B4GALNT4: variants seen among roughly 807,000 people sequenced by gnomAD.
B4GALNT4 encodes the protein beta-1,4-N-acetyl-galactosaminyltransferase 4, also known as N-acetyl-beta-glucosaminyl-glycoprotein 4-beta-N-acetylgalactosaminyltransferase 1.
A neutral mutation model predicts 110.0 loss-of-function variants in B4GALNT4; 77 were observed. That is an observed-to-expected ratio of 0.70 (90% CI 0.58 to 0.85). B4GALNT4 has a LOEUF of 0.85. B4GALNT4 is among the 40% of genes least tolerant of loss of function. The pLI is 0.00. For synonymous variants in B4GALNT4, 785 were observed against 655.5 expected (o/e 1.20, Z -3.02); for missense variants, 1,575 against 1,506.0 (o/e 1.05, Z -0.76).
At chr11:373,415 C>CCT in intron 6 of B4GALNT4, 34 bp from the exon 7 acceptor site, 1 of 1,154,272 alleles carries the variant, frequency 8.7e-7, no homozygotes, top group Non-Finnish European at 1.3e-6. Context: ...TGAACCCCCC[C>CCT]CCCCACCACC....
At position 375,432 on chromosome 11, in the gene B4GALNT4, C is replaced by T. The variant is rs371323687; in HGVS notation, c.784-29C>T. On this transcript the variant is annotated intron_variant, in intron 8 of 19. Coordinates refer to ENST00000329962, the MANE Select transcript of B4GALNT4 (RefSeq NM_178537.5). ...TCCCTGGACCCAGCCACCGCCCTGTCCCTGACCCCCACCCTCTCTGCCCCG... is the reference window on the plus strand; with the variant it reads ...TCCCTGGACCCAGCCACCGCCCTGTTCCTGACCCCCACCCTCTCTGCCCCG... 14 of 1,610,452 alleles carry T rather than the reference C, an allele frequency of 8.7e-6. No individual in the cohort carries two copies. In the African/African-American group the frequency reaches 1.9e-4, roughly 21 times the overall value.
chr11:372,903 G>T lies in B4GALNT4; in HGVS notation c.400G>T (p.Val134Leu), dbSNP rs1208531000. The stretch of plus-strand genomic sequence containing the variant: ...GTTTGAGGACTGGTGTGGGGGCGCC[G>T]TGGGCCACCTGAGGAGGAACCTGCA... Reference protein sequence around the residue: ...HVFEDWCGGAVGHLRRNLHFP... With the variant: ...HVFEDWCGGALGHLRRNLHFP... The change falls in exon 4 of 20, where the codon GTG (valine) becomes TTG (leucine). Residue 134 changes from valine to leucine, a missense_variant. Physicochemically the swap from Val to Leu is conservative, Grantham distance 32. Transcript: ENST00000329962. 6.2e-7 allele frequency: 1 copy of T among 1,612,202 alleles called. No homozygotes were observed. Among genetic ancestry groups the T allele is most frequent in the African/African-American group, 1.3e-5 (1 of 74,944 alleles).
intron 14 of B4GALNT4, 66 bp from the exon 15 acceptor site, chr11:379,352 G>A: frequency 2.8e-6 from 4 of 1,408,924 alleles, no homozygotes; most frequent in South Asian, 1.5e-5. Context: ...TGGCCAGGGC[G>A]GACCAGGGTT....
At chr11:377,437 T>G in intron 14 of B4GALNT4, 110 bp downstream of exon 14, 1 of 1,213,032 alleles carries the variant, frequency 8.2e-7, no homozygotes, top group Non-Finnish European at 1.1e-6. Flanking sequence ...GGCCCAGTGG[T>G]GTACCGGCCT....
chr11:376,631 CT>C lies in B4GALNT4; in HGVS notation c.1511del (p.Leu504CysfsTer24). On this transcript the variant is annotated frameshift_variant, in exon 14 of 20. Coordinates refer to ENST00000329962, the MANE Select transcript of B4GALNT4 (RefSeq NM_178537.5). LOFTEE classifies it high-confidence loss of function. Reference sequence around the variant, plus strand: ...AGCTGGGCCGCCAGGGCCGCCCGCCCTTTGCCGCTCTTCTTGGGCCGAGCTC... The same window carrying C: ...AGCTGGGCCGCCAGGGCCGCCCGCCCTTGCCGCTCTTCTTGGGCCGAGCTC... ...ALSWAARAAR[P>X]LPLFLGRAPP... 7.0e-7 allele frequency: 1 copy of C among 1,420,148 alleles called. No homozygotes were observed. Among genetic ancestry groups the C allele is most frequent in the South Asian group, 1.4e-5 (1 of 73,592 alleles). 88.0% of individuals were successfully genotyped at this position (1,420,148 alleles called of 1,614,324 possible).
At chr11:379,835 C>T in intron 15 of B4GALNT4, 31 bp from the exon 16 acceptor site, 1 of 1,566,978 alleles carries the variant, frequency 6.4e-7, no homozygotes, top group Non-Finnish European at 8.6e-7. Context: ...TCAGCGTCGG[C>T]TCAGCGCCCC....
chr11:380,527 T>G, intron 18 of B4GALNT4, 82 bp downstream of exon 18: 1 of 1,514,392 alleles, frequency 6.6e-7, no homozygotes, highest in Non-Finnish European at 8.9e-7. Context: ...GGGGCCTCTC[T>G]CAATTCCCAG....
chr11:373,019 C>T lies in B4GALNT4; in HGVS notation c.445-7C>T. 1 of 1,612,518 alleles carries T rather than the reference C, an allele frequency of 6.2e-7. No individual in the cohort carries two copies. Among genetic ancestry groups the T allele is most frequent in the Non-Finnish European group, 8.5e-7 (1 of 1,179,868 alleles). On this transcript the variant is annotated splice_polypyrimidine_tract_variant and splice_region_variant and intron_variant, in intron 4 of 19. Transcript: ENST00000329962. ...GGCTTCGACAGCAACAGTCACTGCC[C>T]CCCCAGACGCGCACCACCGTGAAGA...
In B4GALNT4 at chr11:379,682, G is replaced by A. The variant is rs758407647; in HGVS notation, c.2469G>A (p.Met823Ile). ...GCCTGGCCTGGCGCCAGGACGTGATGGTTCACTTCATCGTGCCAGGTTCGC... is the reference window on the plus strand; with the variant it reads ...GCCTGGCCTGGCGCCAGGACGTGATAGTTCACTTCATCGTGCCAGGTTCGC... ...PLRLAWRQDV[M>I]VHFIVPVKNQ... is the part of the protein sequence containing the mutation. Residue 823 changes from methionine (M) to isoleucine (I), a missense_variant, in exon 15 of 20, where the codon ATG (methionine) becomes ATA (isoleucine). Coordinates refer to ENST00000329962, the MANE Select transcript of B4GALNT4 (RefSeq NM_178537.5). 12 of 1,502,374 alleles carry A rather than the reference G, an allele frequency of 8.0e-6. No homozygotes were observed. The highest frequency in any genetic ancestry group is 4.7e-5 in the Admixed American group (2 of 42,828). The allele number at this position is 1,502,374 out of a possible 1,614,324, so 93.1% of individuals were successfully genotyped here.
chr11:379,232 C>G (rs959736402), intron 14 of B4GALNT4, among the ~76,000 whole-genome samples, 186 bp from the exon 15 acceptor site: 3 of 152,204 alleles, frequency 2.0e-5, no homozygotes, highest in African/African-American at 4.8e-5. Flanking sequence ...TGCCCCGACC[C>G]TGGAGGGGGT....
chr11:373,880 C>G, intron 8 of B4GALNT4, 52 bp downstream of exon 8: 1 of 1,567,098 alleles, frequency 6.4e-7, no homozygotes. Flanking sequence ...CCCCCCACCT[C>G]CCTGCAGGAC....
At chr11:375,591 G>A (rs1846727880) in intron 9 of B4GALNT4, 48 bp from the exon 10 acceptor site, 4 of 1,601,158 alleles carry the variant, frequency 2.5e-6, no homozygotes, top group Admixed American at 1.7e-5. Context: ...TGAGTGGGAA[G>A]AGTGGAGGAG....
rs890236027 is a variant in B4GALNT4 at position 369,638 on chromosome 11, G to C, written c.-166G>C. Among the ~76,000 whole-genome samples, 6 of 144,422 alleles carry C rather than the reference G, an allele frequency of 4.2e-5. No individual in the cohort carries two copies. Among genetic ancestry groups the C allele is most frequent in the Non-Finnish European group, 4.6e-5 (3 of 65,180 alleles). The allele number at this position is 144,422 out of a possible 152,430, so 94.7% of individuals were successfully genotyped here. A position where few individuals can be genotyped will look rare whatever the true frequency, so the allele number is the denominator to read the frequency against. Reference sequence around the variant, plus strand: ...GGCCCGCGGCCGAGGGCGGCCTGGGGGGGTCGCGGCCGCACCCGGTGGCCG... The same window carrying C: ...GGCCCGCGGCCGAGGGCGGCCTGGGCGGGTCGCGGCCGCACCCGGTGGCCG... On this transcript the variant is annotated 5_prime_UTR_variant, in exon 1 of 20. Coordinates refer to ENST00000329962, the MANE Select transcript of B4GALNT4 (RefSeq NM_178537.5).
intron 14 of B4GALNT4, among the ~76,000 whole-genome samples, chr11:378,504 G>A (rs1379697317): frequency 1.3e-5 from 2 of 152,194 alleles, no homozygotes; most frequent in Admixed American, 1.3e-4. Flanking sequence ...GAGCATTTGG[G>A]GCAGGAGGTC....
Position 377,101 on chromosome 11 carries a change from G to A in B4GALNT4, c.1978G>A (p.Ala660Thr), listed in dbSNP as rs750589680. ...EDDGAPGDEA[A>T]SEDSEEAAGP... is the part of the protein sequence containing the mutation. ...CGATGGGGCCCCGGGCGACGAGGCC[G>A]CGTCGGAGGACAGCGAGGAGGCCGC... Residue 660 changes from alanine to threonine, a missense_variant, in exon 14 of 20, where the codon GCG becomes ACG. Physicochemically the swap from Ala to Thr is moderately conservative, Grantham distance 58. Transcript: ENST00000329962. The A allele has an allele frequency of 3.4e-6, 5 of 1,462,656 alleles. No individual in the cohort carries two copies. The highest frequency in any genetic ancestry group is 2.8e-5 in the South Asian group (2 of 71,754). The allele number at this position is 1,462,656 out of a possible 1,614,324, so 90.6% of individuals were successfully genotyped here.
rs747447602 is a variant in B4GALNT4, at chr11:376,535, G to A, written c.1412G>A (p.Gly471Glu). The part of the protein sequence containing the change: ...SPAPAAPAQP[G>E]ATLAPPTPPR... Reference sequence around the variant, plus strand: ...GCCCCAGCAGCCCCCGCCCAGCCCGGAGCCACCCTCGCCCCGCCGACCCCT... The same window carrying A: ...GCCCCAGCAGCCCCCGCCCAGCCCGAAGCCACCCTCGCCCCGCCGACCCCT... The change falls in exon 14 of 20, where the codon GGA becomes GAA. Residue 471 changes from glycine (G) to glutamate (E), a missense_variant. By Grantham distance (98) the Gly-to-Glu change is moderately conservative. Coordinates refer to ENST00000329962, the MANE Select transcript of B4GALNT4 (RefSeq NM_178537.5). 4.3e-5 allele frequency: 61 copies of A among 1,430,522 alleles called. No individual in the cohort carries two copies. Among genetic ancestry groups the A allele is most frequent in the Non-Finnish European group, 5.0e-5 (55 of 1,103,284 alleles). The allele number at this position is 1,430,522 out of a possible 1,614,324, so 88.6% of individuals were successfully genotyped here.
chr11:376,531 C>G lies in B4GALNT4; in HGVS notation c.1408C>G (p.Pro470Ala). ...CCCCGCCCCAGCAGCCCCCGCCCAG[C>G]CCGGAGCCACCCTCGCCCCGCCGAC... ...QSPAPAAPAQPGATLAPPTPP... is the reference protein window; with the variant it reads ...QSPAPAAPAQAGATLAPPTPP... Residue 470 changes from proline to alanine, a missense_variant, in exon 14 of 20, where the codon CCC becomes GCC. By Grantham distance (27) the Pro-to-Ala change is conservative. Transcript: ENST00000329962. The G allele has an allele frequency of 7.0e-7, 1 of 1,432,808 alleles. No homozygotes were observed. The highest frequency in any genetic ancestry group is 1.4e-5 in the South Asian group (1 of 69,054). 88.8% of individuals were successfully genotyped at this position (1,432,808 alleles called of 1,614,324 possible).
At chr11:372,250 A>T in intron 2 of B4GALNT4, 38 bp downstream of exon 2, 1 of 1,532,238 alleles carries the variant, frequency 6.5e-7, no homozygotes, top group Non-Finnish European at 8.8e-7. Context: ...GTGCACGGAG[A>T]CGAGACCCCG....
At chr11:375,264 C>T (rs1003401989) in intron 8 of B4GALNT4, among the ~76,000 whole-genome samples, 197 bp from the exon 9 acceptor site, 3 of 151,764 alleles carry the variant, frequency 2.0e-5, no homozygotes, top group African/African-American at 7.3e-5. Flanking sequence ...CCCAGGGTCC[C>T]TCAGCTTTCT....
Sources: allele counts gnomAD v4.1 joint callset (sites outside exome capture counted in the v4.1 genomes callset), GRCh38; gene constraint gnomAD v4.1.1; transcripts MANE v1.5; gene names NCBI Gene and HGNC (gene_info 2026-07-23, HGNC 2026-07-21).